Variants in MARCHF1 observed in about 807,000 individuals in gnomAD.
The protein encoded by MARCHF1 is E3 ubiquitin-protein ligase MARCHF1.
A neutral mutation model predicts 54.2 loss-of-function variants in MARCHF1; 40 were observed. The ratio of observed to expected loss-of-function variants is 0.74; its 90% CI spans 0.57 to 0.96. The LOEUF (loss-of-function observed/expected upper bound fraction) is 0.96, where lower values mean the gene tolerates loss of function less well. Ranked by LOEUF, MARCHF1 falls within the 40% of genes least tolerant of loss-of-function variation. The pLI is 0.00. For missense variants in MARCHF1, 586 were observed against 656.5 expected (o/e 0.89, Z 1.17); for synonymous variants, 236 against 236.3 (o/e 1.00, Z 0.01).
Position 164,333,095 on chromosome 4 carries a change from GAAAT to G in MARCHF1, c.-323+50771_-323+50774del, listed in dbSNP as rs1317061737. The stretch of plus-strand genomic sequence containing the variant: ...ACAATGAGAGGAGTGTGAAAAAAAA[GAAAT>G]AAGAATGCCATGAGTTGGTCATTGT... On this transcript the variant is annotated intron_variant, in intron 1 of 9. Coordinates refer to ENST00000514618, the MANE Select transcript of MARCHF1 (RefSeq NM_001394959.1). 7.2e-5 allele frequency among the ~76,000 whole-genome samples: 11 copies of G among 152,058 alleles called. No homozygotes were observed. In the East Asian group the frequency reaches 2.1e-3, roughly 29 times the overall value.
intron 3 of MARCHF1, among the ~76,000 whole-genome samples, chr4:163,898,145 G>A (rs558158013): frequency 6.6e-6 from 1 of 151,310 alleles, no homozygotes; most frequent in East Asian, 1.9e-4. Flanking sequence ...GGAATTTATG[G>A]TAAAGACACC....
At chr4:163,685,194 T>G (rs1196563827) in intron 5 of MARCHF1, among the ~76,000 whole-genome samples, 3 of 152,148 alleles carry the variant, frequency 2.0e-5, no homozygotes, top group Non-Finnish European at 4.4e-5. Context: ...AAAAAATATC[T>G]GGTTTTATTA....
intron 2 of MARCHF1, among the ~76,000 whole-genome samples, chr4:164,011,568 T>C (rs1364596881): frequency 6.6e-6 from 1 of 152,160 alleles, no homozygotes; most frequent in Admixed American, 6.5e-5. Flanking sequence ...GAAAATGAGA[T>C]ACAAATATCA....
chr4:163,626,934 C>A (rs1254809263), intron 5 of MARCHF1, among the ~76,000 whole-genome samples: 4 of 151,998 alleles, frequency 2.6e-5, no homozygotes, highest in Admixed American at 2.6e-4. Context: ...CAAACAAACC[C>A]AAACCAAACC....
chr4:164,326,312 T>C (rs1406302793), intron 1 of MARCHF1, among the ~76,000 whole-genome samples: 1 of 152,202 alleles, frequency 6.6e-6, no homozygotes, highest in East Asian at 1.9e-4. Flanking sequence ...ATGATCCACA[T>C]CATCTTCTGA....
intron 5 of MARCHF1, among the ~76,000 whole-genome samples, chr4:163,636,801 C>T (rs978976696): frequency 6.6e-6 from 1 of 152,042 alleles, no homozygotes; most frequent in African/African-American, 2.4e-5. Flanking sequence ...AATCCTAAGC[C>T]AAAAGAACAA....
chr4:163,802,777 ATGT>A lies in MARCHF1; in HGVS notation c.111+51241_111+51243del, dbSNP rs574693497. ...TTATAAAAGAAAGATAGATAACAAA[ATGT>A]TGTTCTTTCCTGTGGTGAGAATGCT... On this transcript the variant is annotated intron_variant, in intron 4 of 9. Coordinates refer to ENST00000514618, the MANE Select transcript of MARCHF1 (RefSeq NM_001394959.1). Among the ~76,000 whole-genome samples the A allele has an allele frequency of 3.3e-3, 507 of 152,260 alleles. 3 individuals carry two copies. Among genetic ancestry groups the A allele is most frequent in the Non-Finnish European group, 4.9e-3 (330 of 68,004 alleles).
intron 4 of MARCHF1, among the ~76,000 whole-genome samples, chr4:163,840,281 A>C (rs923831399): frequency 9.2e-5 from 14 of 152,164 alleles, no homozygotes; most frequent in African/African-American, 3.1e-4. Context: ...CCAGGAAGGG[A>C]ATGGGGCGTG....
intron 4 of MARCHF1, among the ~76,000 whole-genome samples, chr4:163,708,075 C>T (rs1360048886): frequency 6.6e-6 from 1 of 151,690 alleles, no homozygotes; most frequent in Non-Finnish European, 1.5e-5. Context: ...AATGCTTCTT[C>T]ACCCTGGGAG....
At chr4:163,552,680 G>T (rs1739145957) in intron 8 of MARCHF1, among the ~76,000 whole-genome samples, 1 of 152,130 alleles carries the variant, frequency 6.6e-6, no homozygotes, top group African/African-American at 2.4e-5. Context: ...CCATCACTGA[G>T]GAATGAACCG....
chr4:164,326,260 G>T (rs1735278535), intron 1 of MARCHF1, among the ~76,000 whole-genome samples: 1 of 152,132 alleles, frequency 6.6e-6, no homozygotes, highest in African/African-American at 2.4e-5. Context: ...CATGGGTGTG[G>T]TCCCAGTTGC....
At chr4:163,980,663 G>A (rs1325281468) in intron 3 of MARCHF1, among the ~76,000 whole-genome samples, 1 of 152,168 alleles carries the variant, frequency 6.6e-6, no homozygotes, top group Non-Finnish European at 1.5e-5. Flanking sequence ...ATCCTTCACT[G>A]TATAATCAGC....
intron 1 of MARCHF1, among the ~76,000 whole-genome samples, chr4:164,266,105 T>G (rs1456684629): frequency 6.6e-6 from 1 of 152,128 alleles, no homozygotes; most frequent in Non-Finnish European, 1.5e-5. Flanking sequence ...AATGAACAAG[T>G]GAATAAATGG....
intron 1 of MARCHF1, among the ~76,000 whole-genome samples, chr4:164,309,989 T>A (rs1430324446): frequency 6.6e-6 from 1 of 152,118 alleles, no homozygotes; most frequent in East Asian, 1.9e-4. Context: ...TGTTCCTTTT[T>A]TTTAATTAAA....
At chr4:163,964,208 G>A (rs961118566) in intron 3 of MARCHF1, among the ~76,000 whole-genome samples, 5 of 151,848 alleles carry the variant, frequency 3.3e-5, no homozygotes, top group Non-Finnish European at 7.4e-5. Context: ...CTGGTGTATT[G>A]TTAGCTGTTA....
chr4:163,647,083 C>T (rs562678963), intron 5 of MARCHF1, among the ~76,000 whole-genome samples: 178 of 151,958 alleles, frequency 1.2e-3, no homozygotes, highest in Non-Finnish European at 2.0e-3. Context: ...TCCATGCAAA[C>T]GGAAATGAAG....
chr4:163,528,547 T>C lies in MARCHF1; in HGVS notation c.*201A>G, dbSNP rs1285441616. ...TTCACATTTCCATATCATACTTTAC[T>C]TTACGCTATTACTTCATGGGCTCCT... On this transcript the variant is annotated 3_prime_UTR_variant, in exon 10 of 10. Coordinates refer to ENST00000514618, the MANE Select transcript of MARCHF1 (RefSeq NM_001394959.1). The C allele has an allele frequency of 1.8e-6, 1 of 556,876 alleles. No homozygotes were observed. The highest frequency in any genetic ancestry group is 1.9e-5 in the African/African-American group (1 of 52,628). The allele number at this position is 556,876 out of a possible 1,614,324, so 34.5% of individuals were successfully genotyped here.
At chr4:164,347,971 T>A (rs192892961) in intron 1 of MARCHF1, among the ~76,000 whole-genome samples, 7 of 152,308 alleles carry the variant, frequency 4.6e-5, no homozygotes, top group African/African-American at 1.7e-4. Flanking sequence ...AAGTTGACCT[T>A]TTCCTAATCC....
At chr4:163,891,522 A>G (rs1750660139) in intron 3 of MARCHF1, among the ~76,000 whole-genome samples, 1 of 151,964 alleles carries the variant, frequency 6.6e-6, no homozygotes, top group South Asian at 2.1e-4. Flanking sequence ...ACAGAAATTT[A>G]TGAACTCTCT....
Sources: gnomAD v4.1 joint callset for allele counts (sites outside exome capture counted in the v4.1 genomes callset) on GRCh38, gnomAD v4.1.1 for gene constraint, MANE v1.5 for transcripts, NCBI Gene and HGNC (gene_info 2026-07-23, HGNC 2026-07-21) for gene names.